Variants in CTNNA3 observed in about 807,000 individuals in gnomAD.
CTNNA3 encodes catenin alpha-3.
CTNNA3 carries 76 observed loss-of-function variants against 95.7 expected under a neutral mutation model. The ratio of observed to expected loss-of-function variants is 0.79; its 90% CI spans 0.66 to 0.96. The LOEUF is 0.96. Among genes scored for constraint, CTNNA3 ranks in the 40% least tolerant of loss-of-function variants. The pLI, the probability that CTNNA3 is intolerant of heterozygous loss-of-function variation, is 0.00. For missense variants in CTNNA3, 1,191 were observed against 1,089.8 expected, an observed-to-expected ratio of 1.09 and a Z score of -1.31; for synonymous variants, 431 against 374.4, an observed-to-expected ratio of 1.15 and a Z score of -1.74.
intron 6 of CTNNA3, among the ~76,000 whole-genome samples, chr10:67,186,702 G>C (rs2132160571): frequency 6.6e-6 from 1 of 152,204 alleles, no homozygotes; most frequent in Non-Finnish European, 1.5e-5. Context: ...TGTGTTTCAT[G>C]GCATTAATCC....
At chr10:66,259,830 G>A (rs1051654192) in intron 13 of CTNNA3, among the ~76,000 whole-genome samples, 1 of 152,160 alleles carries the variant, frequency 6.6e-6, no homozygotes, top group Non-Finnish European at 1.5e-5. Context: ...TTCTATGATA[G>A]AGTCTATTTC....
At chr10:66,623,962 A>G (rs1844841402) in intron 9 of CTNNA3, among the ~76,000 whole-genome samples, 3 of 152,280 alleles carry the variant, frequency 2.0e-5, no homozygotes, top group African/African-American at 7.2e-5. Context: ...GTTCCCAAGA[A>G]CAGTAGAAAT....
Position 67,558,498 on chromosome 10 carries a change from C to A in CTNNA3, c.293-18829G>T, listed in dbSNP as rs375433442. ...GAAAAAGCATGAAACTATCTGAATG[C>A]GGCTGGCAGCCAAGATGGCCGAATA... On this transcript the variant is annotated intron_variant, in intron 3 of 17. Transcript: ENST00000433211. Among the ~76,000 whole-genome samples the A allele has an allele frequency of 8.5e-5, 13 of 152,158 alleles. No individual in the cohort carries two copies. The South Asian group carries it at 2.7e-3, about 31-fold the overall frequency.
intron 13 of CTNNA3, among the ~76,000 whole-genome samples, chr10:66,260,853 A>G (rs1387418084): frequency 1.3e-5 from 2 of 152,098 alleles, no homozygotes; most frequent in Non-Finnish European, 2.9e-5. Context: ...CAGAAACTCT[A>G]GATCTGACAT....
chr10:67,577,381 G>GT (rs1468249415), intron 3 of CTNNA3, among the ~76,000 whole-genome samples: 3 of 148,282 alleles, frequency 2.0e-5, no homozygotes, highest in Admixed American at 6.6e-5. Context: ...GGGGTTGTTT[G>GT]TTTTTTTCTT....
intron 7 of CTNNA3, among the ~76,000 whole-genome samples, chr10:67,104,325 A>C (rs1858504007): frequency 6.6e-6 from 1 of 151,888 alleles, no homozygotes; most frequent in Admixed American, 6.6e-5. Flanking sequence ...GAGTATTATA[A>C]CTTACACAGA....
chr10:66,003,584 T>C (rs534116298), intron 15 of CTNNA3, among the ~76,000 whole-genome samples: 2 of 152,266 alleles, frequency 1.3e-5, no homozygotes, highest in African/African-American at 4.8e-5. Flanking sequence ...AGAATTAGAA[T>C]GAAGAATTTC....
At chr10:67,746,691 A>G (rs1328400690) in intron 1 of CTNNA3, among the ~76,000 whole-genome samples, 1 of 152,174 alleles carries the variant, frequency 6.6e-6, no homozygotes, top group Non-Finnish European at 1.5e-5. Context: ...TGCAACCTGC[A>G]GATCAGGAGA....
In CTNNA3 at chr10:66,695,197, A is replaced by T. The variant is rs188322457; in HGVS notation, c.1281+71067T>A. Among the ~76,000 whole-genome samples the T allele has an allele frequency of 1.7e-3, 258 of 152,302 alleles. 1 individual carries two copies. Among genetic ancestry groups the T allele is most frequent in the African/African-American group, 5.8e-3 (240 of 41,576 alleles). On this transcript the variant is annotated intron_variant, in intron 9 of 17. Transcript: ENST00000433211. ...AAATAGATTGCTATGTAAAGCTGAT[A>T]CATCATTTAGTCCTCCCCAAAAGGG...
chr10:67,718,520 G>T (rs1474062426), intron 1 of CTNNA3, among the ~76,000 whole-genome samples: 5 of 152,240 alleles, frequency 3.3e-5, no homozygotes, highest in African/African-American at 9.6e-5. Flanking sequence ...GCATGAAGGG[G>T]TGTTAAATTT....
intron 5 of CTNNA3, among the ~76,000 whole-genome samples, chr10:67,288,975 T>G (rs888231036): frequency 7.9e-5 from 12 of 151,992 alleles, no homozygotes; most frequent in African/African-American, 2.9e-4. Context: ...AATAAATAAA[T>G]AACAGATAAA....
chr10:66,318,519 A>G (rs2092135448), intron 12 of CTNNA3, among the ~76,000 whole-genome samples: 1 of 151,822 alleles, frequency 6.6e-6, no homozygotes, highest in African/African-American at 2.4e-5. Flanking sequence ...TTCTCTGTGC[A>G]CGCCAAGCTT....
At chr10:67,589,348 T>C (rs1175329552) in intron 3 of CTNNA3, among the ~76,000 whole-genome samples, 1 of 152,152 alleles carries the variant, frequency 6.6e-6, no homozygotes, top group Non-Finnish European at 1.5e-5. Flanking sequence ...TATTTTTATA[T>C]ACCCAGGGCC....
At chr10:66,763,399 T>C (rs2132772512) in intron 9 of CTNNA3, among the ~76,000 whole-genome samples, 1 of 144,666 alleles carries the variant, frequency 6.9e-6, no homozygotes, top group East Asian at 2.1e-4. Context: ...AACAACCTAG[T>C]GTGCAAGCAG....
At chr10:67,418,477 CA>C (rs1323363202) in intron 5 of CTNNA3, among the ~76,000 whole-genome samples, 1 of 146,442 alleles carries the variant, frequency 6.8e-6, no homozygotes, top group Non-Finnish European at 1.5e-5. Flanking sequence ...GATAAAGAAA[CA>C]GGGGTATACA....
intron 2 of CTNNA3, among the ~76,000 whole-genome samples, chr10:67,627,195 C>T (rs1330694109): frequency 6.6e-6 from 1 of 152,202 alleles, no homozygotes; most frequent in Non-Finnish European, 1.5e-5. Context: ...CCTGGTCCAG[C>T]TCTGCCTCCT....
chr10:66,168,699 T>C (rs117530307), intron 13 of CTNNA3, among the ~76,000 whole-genome samples: 3,392 of 152,296 alleles, frequency 0.022, 58 homozygotes, highest in Non-Finnish European at 0.034. Context: ...TAGTACTTAC[T>C]AGTAACTGCA....
At chr10:67,554,155 A>G (rs1007982183) in intron 3 of CTNNA3, among the ~76,000 whole-genome samples, 2 of 152,150 alleles carry the variant, frequency 1.3e-5, no homozygotes, top group African/African-American at 4.8e-5. Flanking sequence ...AATCCAGTCT[A>G]TCATTGTTGG....
At chr10:66,028,601 G>C (rs1321809036) in intron 15 of CTNNA3, among the ~76,000 whole-genome samples, 1 of 150,444 alleles carries the variant, frequency 6.6e-6, no homozygotes, top group Non-Finnish European at 1.5e-5. Flanking sequence ...GTTGTGGGGT[G>C]GGGGAAGGGG....
Sources: allele counts gnomAD v4.1 joint callset (sites outside exome capture counted in the v4.1 genomes callset), GRCh38; gene constraint gnomAD v4.1.1; transcripts MANE v1.5; gene names NCBI Gene and HGNC (gene_info 2026-07-23, HGNC 2026-07-21).